MRTFB: variants seen among roughly 807,000 people sequenced by gnomAD.
MRTFB encodes the protein myocardin related transcription factor B, also known as myocardin-related transcription factor B.
MRTFB carries 29 observed loss-of-function variants against 104.2 expected under a neutral mutation model. That is an observed-to-expected ratio of 0.28 (90% CI 0.21 to 0.38). MRTFB has a LOEUF of 0.38. Among genes scored for constraint, MRTFB ranks in the 10% least tolerant of loss-of-function variants. The probability of loss-of-function intolerance (pLI) is 1.00; values close to 1 mark genes in which losing one functional copy is unlikely to be tolerated. For synonymous variants in MRTFB, 535 were observed against 519.5 expected, an observed-to-expected ratio of 1.03 and a Z score of -0.41; for missense variants, 1,270 against 1,341.6, an observed-to-expected ratio of 0.95 and a Z score of 0.83.
the MRTFB span, among the ~76,000 whole-genome samples, chr16:13,997,720 G>T: frequency 6.7e-6 from 1 of 150,244 alleles, no homozygotes; most frequent in African/African-American, 2.5e-5. Context: ...TTGAGCCCAG[G>T]AGGCGGAGGT....
chr16:14,261,166 C>T lies in MRTFB; in HGVS notation c.3022C>T (p.Pro1008Ser), dbSNP rs2043762890. Residue 1008 changes from proline to serine, a missense_variant, in exon 17 of 17, where the codon CCC (proline) becomes TCC (serine). Transcript: ENST00000571589. ...PLQSSSEDREPFSLIEDLQND... is the reference protein window; with the variant it reads ...PLQSSSEDRESFSLIEDLQND... ...ACAAAGCAGCAGTGAAGACAGAGAG[C>T]CCTTCTCTCTGATCGAGGACCTCCA... The T allele has an allele frequency of 6.2e-7, 1 of 1,614,058 alleles. No homozygotes were observed. The highest frequency in any genetic ancestry group is 1.3e-5 in the African/African-American group (1 of 74,922).
chr16:14,052,705 C>G, the MRTFB span, among the ~76,000 whole-genome samples: 2 of 144,736 alleles, frequency 1.4e-5, 1 homozygote, highest in East Asian at 4.0e-4. Context: ...TGCCATTGCA[C>G]TATAGCCTGG....
chr16:14,084,819 A>T (rs752839836), intron 2 of MRTFB, among the ~76,000 whole-genome samples: 4 of 152,200 alleles, frequency 2.6e-5, no homozygotes, highest in Admixed American at 6.5e-5. Context: ...AATAAGATTT[A>T]CTTGAGGAAG....
intron 2 of MRTFB, among the ~76,000 whole-genome samples, chr16:14,087,973 G>A (rs1219915190): frequency 6.6e-6 from 1 of 152,180 alleles, no homozygotes; most frequent in Non-Finnish European, 1.5e-5. Context: ...GTGAATGAAT[G>A]CTTTGTGCCA....
chr16:14,238,727 C>T (rs569922690), intron 9 of MRTFB, among the ~76,000 whole-genome samples: 8 of 152,148 alleles, frequency 5.3e-5, no homozygotes, highest in South Asian at 2.1e-4. Context: ...TCATATGTGT[C>T]GTAGAAGTCA....
chr16:14,140,753 GA>G lies in MRTFB; in HGVS notation c.152del (p.Asn51MetfsTer5). The G allele has an allele frequency of 6.2e-7, 1 of 1,613,884 alleles. No homozygotes were observed. ...AAAACTTACCCCCTCTGAACGAAAG[GA>G]AAAATGGTGAGTTCAGCATGTGCAA... ...SQNLPPLNER[K>X]NVLQLRLQQR... On this transcript the variant is annotated frameshift_variant, in exon 3 of 17. Transcript: ENST00000571589. LOFTEE classifies it high-confidence loss of function.
chr16:14,174,338 A>G (rs2039514983), intron 3 of MRTFB, among the ~76,000 whole-genome samples: 1 of 152,066 alleles, frequency 6.6e-6, no homozygotes, highest in Non-Finnish European at 1.5e-5. Context: ...TGTTTTGTGC[A>G]TGGTCATACT....
chr16:14,155,333 G>T (rs1380859542), intron 3 of MRTFB, among the ~76,000 whole-genome samples: 2 of 151,028 alleles, frequency 1.3e-5, no homozygotes, highest in South Asian at 2.1e-4. Context: ...TACTGTCCAT[G>T]TTTCTCCATG....
At chr16:14,219,042 T>A (rs776863786) in intron 8 of MRTFB, 44 bp downstream of exon 8, 3 of 1,522,080 alleles carry the variant, frequency 2.0e-6, no homozygotes, top group Non-Finnish European at 2.7e-6. Context: ...GAAAATGCCT[T>A]GTTTTTTTTT....
intron 12 of MRTFB, chr16:14,248,548 C>T (rs1302200679): frequency 6.7e-5 from 11 of 163,856 alleles, no homozygotes; most frequent in Admixed American, 3.7e-4. Flanking sequence ...ATGCACACAC[C>T]GCTTGCAAGC....
intron 2 of MRTFB, among the ~76,000 whole-genome samples, chr16:14,104,177 G>T (rs1461960377): frequency 6.6e-6 from 1 of 152,164 alleles, no homozygotes; most frequent in Non-Finnish European, 1.5e-5. Flanking sequence ...TATGAGGCCA[G>T]GCCCTGAACT....
chr16:14,088,611 A>T (rs573159012), intron 2 of MRTFB, among the ~76,000 whole-genome samples: 1 of 152,328 alleles, frequency 6.6e-6, no homozygotes, highest in East Asian at 1.9e-4. Context: ...TCATCAACTC[A>T]TGAAGCCAAG....
At chr16:14,173,442 T>A (rs935978191) in intron 3 of MRTFB, among the ~76,000 whole-genome samples, 2 of 152,232 alleles carry the variant, frequency 1.3e-5, no homozygotes, top group East Asian at 1.9e-4. Context: ...TTATCATCTT[T>A]ATTTGCTATA....
intron 2 of MRTFB, among the ~76,000 whole-genome samples, chr16:14,108,085 T>C (rs1408033344): frequency 2.0e-5 from 3 of 152,198 alleles, no homozygotes; most frequent in East Asian, 3.9e-4. Context: ...TTAGAGTAAA[T>C]TGAGCTAATA....
At position 14,247,504 on chromosome 16, in the gene MRTFB, C is replaced by G. The variant is rs200418683; in HGVS notation, c.2244C>G (p.Leu748=). The G allele has an allele frequency of 5.9e-5, 92 of 1,548,392 alleles. No homozygotes were observed. Among genetic ancestry groups the G allele is most frequent in the Non-Finnish European group, 7.5e-5 (86 of 1,152,174 alleles). Residue 748 remains leucine, a synonymous_variant, in exon 12 of 17, where the codon CTC becomes CTG. Transcript: ENST00000571589. The part of the protein sequence containing the change: ...SVQLPVGSLK[L]QTSPQAGMQT... ...AACTCCCTGTAGGCAGCCTCAAACT[C>G]CAGGTGTGAAGTGTGTCTTCTAACT... is the stretch of plus-strand genomic sequence containing the variant.
intron 3 of MRTFB, among the ~76,000 whole-genome samples, chr16:14,159,615 T>TA (rs1163070488): frequency 2.0e-5 from 3 of 152,160 alleles, no homozygotes; most frequent in Non-Finnish European, 4.4e-5. Context: ...CGCCTGAAGT[T>TA]AGAGCAATTT....
chr16:14,017,709 A>ATTTT, the MRTFB span, among the ~76,000 whole-genome samples: 44 of 15,916 alleles, frequency 2.8e-3, 6 homozygotes, highest in Non-Finnish European at 6.1e-3. Flanking sequence ...ATATATATAT[A>ATTTT]TATTTTTTTT....
At chr16:14,052,687 C>T in the MRTFB span, among the ~76,000 whole-genome samples, 5 of 147,662 alleles carry the variant, frequency 3.4e-5, no homozygotes, top group Non-Finnish European at 7.4e-5. Flanking sequence ...TGCAGTGAGC[C>T]GAGATGGTGC....
intron 3 of MRTFB, among the ~76,000 whole-genome samples, chr16:14,167,604 C>T (rs759684777): frequency 6.6e-6 from 1 of 151,992 alleles, no homozygotes; most frequent in African/African-American, 2.4e-5. Flanking sequence ...ATGGTATTGC[C>T]GAGATTTTCT....
Sources: gnomAD v4.1 joint callset for allele counts (sites outside exome capture counted in the v4.1 genomes callset) on GRCh38, gnomAD v4.1.1 for gene constraint, MANE v1.5 for transcripts, NCBI Gene and HGNC (gene_info 2026-07-23, HGNC 2026-07-21) for gene names.